The following SF3A1 variants were observed in gnomAD, a reference collection of about 807,000 sequenced individuals.
SF3A1 encodes the protein SAP 114.
A neutral mutation model predicts 89.9 loss-of-function variants in SF3A1; 13 were observed. The ratio of observed to expected loss-of-function variants is 0.14; its 90% confidence interval spans 0.09 to 0.23. The LOEUF (loss-of-function observed/expected upper bound fraction) is 0.23. Among genes scored for constraint, SF3A1 ranks in the 10% least tolerant of loss-of-function variants. The pLI, the probability that SF3A1 is intolerant of heterozygous loss-of-function variation, is 1.00. For missense variants in SF3A1, 604 were observed against 1,022.1 expected, an observed-to-expected ratio of 0.59 and a Z score of 5.58; for synonymous variants, 405 against 374.4, an observed-to-expected ratio of 1.08 and a Z score of -0.94.
At chr22:30,342,126 G>T in intron 6 of SF3A1, 74 bp downstream of exon 6, 2 of 1,544,010 alleles carry the variant, frequency 1.3e-6, no homozygotes, top group South Asian at 1.1e-5. Context: ...TGCTCTCTGG[G>T]AACACCTGCA....
Position 30,332,826 on chromosome 22 carries a change from T to C in SF3A1, c.*1768A>G, listed in dbSNP as rs777270226. On this transcript the variant is annotated 3_prime_UTR_variant, in exon 16 of 16. Coordinates refer to ENST00000215793, the MANE Select transcript of SF3A1 (RefSeq NM_005877.6). ...CTCACAATCCACCCAACGGCATTCC[T>C]GGCCTCCGGTCACAGCCTCAGCCAC... 2 of 152,288 alleles carry C rather than the reference T, an allele frequency of 1.3e-5. No homozygotes were observed. Among genetic ancestry groups the C allele is most frequent in the African/African-American group, 2.4e-5 (1 of 41,478 alleles). 9.4% of individuals were successfully genotyped at this position (152,288 alleles called of 1,614,324 possible).
At chr22:30,337,273 T>G in intron 12 of SF3A1, 93 bp from the exon 13 acceptor site, 1 of 1,245,878 alleles carries the variant, frequency 8.0e-7, no homozygotes, top group Non-Finnish European at 1.1e-6. Context: ...TTGCAAAGGT[T>G]TCCTCTAGTC....
chr22:30,356,531 T>A (rs1371507819), intron 1 of SF3A1, 199 bp downstream of exon 1: 10 of 416,816 alleles, frequency 2.4e-5, no homozygotes, highest in Non-Finnish European at 4.2e-5. Context: ...ACGGGGCTGC[T>A]CCGCGGACCA....
Position 30,338,789 on chromosome 22 carries a change from T to G in SF3A1, c.1743A>C (p.Thr581=). ...PPITSVPRPP[T]MPPPVRTTVV... ...AGTTCCAGGGTAGATGCTGGCTTAC[T>G]GTGGGTGGTCGGGGCACTGAAGTGA... The change falls in exon 11 of 16, where the codon ACA becomes ACC. Residue 581 remains threonine, a splice_region_variant and synonymous_variant. Coordinates refer to ENST00000215793, the MANE Select transcript of SF3A1 (RefSeq NM_005877.6). 1 of 1,614,020 alleles carries G rather than the reference T, an allele frequency of 6.2e-7. No homozygotes were observed. The highest frequency in any genetic ancestry group is 1.1e-5 in the South Asian group (1 of 91,072).
At chr22:30,348,491 T>G (rs1931486953) in intron 2 of SF3A1, among the ~76,000 whole-genome samples, 1 of 152,092 alleles carries the variant, frequency 6.6e-6, no homozygotes, top group Non-Finnish European at 1.5e-5. Context: ...AAACAAAAAT[T>G]TTTTAAATTT....
At chr22:30,346,229 T>C (rs1931413997) in intron 3 of SF3A1, 83 bp downstream of exon 3, 1 of 937,896 alleles carries the variant, frequency 1.1e-6, no homozygotes, top group South Asian at 1.5e-5. Context: ...GGTTGTGAGA[T>C]TTGGAGTTAA....
chr22:30,352,744 G>A, intron 2 of SF3A1: 1 of 483,732 alleles, frequency 2.1e-6, no homozygotes, highest in East Asian at 3.4e-5. Flanking sequence ...TGACTGTGGG[G>A]CTAAGTGTGA....
rs1398603789 is a variant in SF3A1 at position 30,337,140 on chromosome 22, T to A, written c.1992A>T (p.Pro664=). The A allele has an allele frequency of 6.2e-7, 1 of 1,613,570 alleles. No homozygotes were observed. The highest frequency in any genetic ancestry group is 2.2e-5 in the East Asian group (1 of 44,882). The change falls in exon 13 of 16, where the codon CCA becomes CCT. Residue 664 remains proline (P), a synonymous_variant. Transcript: ENST00000215793. The part of the protein sequence containing the change: ...PAPPVAPVPA[P]APMPPVHPPP... ...GGGGATGCACAGGGGGCATTGGGGCTGGAGCTGGGACAGGTGCCACAGGTG... is the reference window on the plus strand; with the variant it reads ...GGGGATGCACAGGGGGCATTGGGGCAGGAGCTGGGACAGGTGCCACAGGTG...
rs1026164089 is a variant in SF3A1, at chr22:30,340,734, G to A, written c.1150C>T (p.Pro384Ser). Residue 384 changes from proline to serine, a missense_variant, in exon 8 of 16, where the codon CCA (proline) becomes TCA (serine). By Grantham distance (74) the Pro-to-Ser change is moderately conservative. This residue lies in a region of SF3A1 where 146 missense variants were observed against 228.5 expected (regional missense o/e 0.64). Coordinates refer to ENST00000215793, the MANE Select transcript of SF3A1 (RefSeq NM_005877.6). Reference sequence around the variant, plus strand: ...TCCTTGCGGACAATGACTTGGTCTGGAGTTGGGGGCAGAGGTGGAGGCATG... The same window carrying A: ...TCCTTGCGGACAATGACTTGGTCTGAAGTTGGGGGCAGAGGTGGAGGCATG... The part of the protein sequence containing the change: ...TPMPPPLPPT[P>S]DQVIVRKDYD... 3.1e-6 allele frequency: 5 copies of A among 1,608,334 alleles called. No homozygotes were observed. Among genetic ancestry groups the A allele is most frequent in the Non-Finnish European group, 4.2e-6 (5 of 1,176,536 alleles).
At chr22:30,353,146 TA>T in intron 1 of SF3A1, 74 bp from the exon 2 acceptor site, 1 of 1,550,792 alleles carries the variant, frequency 6.4e-7, no homozygotes. Context: ...AAAACTCCTC[TA>T]GGATATCATT....
chr22:30,337,378 C>G (rs948654771), intron 12 of SF3A1, among the ~76,000 whole-genome samples, 198 bp from the exon 13 acceptor site: 1 of 152,172 alleles, frequency 6.6e-6, no homozygotes, highest in Non-Finnish European at 1.5e-5. Flanking sequence ...CAGCAGAGGA[C>G]TGCAGGAGGG....
At chr22:30,345,259 G>C in intron 3 of SF3A1, 69 bp from the exon 4 acceptor site, 6 of 1,200,562 alleles carry the variant, frequency 5.0e-6, no homozygotes, top group African/African-American at 1.5e-5. Flanking sequence ...GGGAGGGGAG[G>C]GGACATGGGC....
rs546118639 is a variant in SF3A1, at chr22:30,356,838, G to A, written c.-46C>T. On this transcript the variant is annotated 5_prime_UTR_variant, in exon 1 of 16. Transcript: ENST00000215793. ...CCAGTCCGCCTCGGTGTCGGTGAGC[G>A]GTGCCGCCTCAAGACAGCCTCCCCG... 104 of 1,299,350 alleles carry A rather than the reference G, an allele frequency of 8.0e-5. No homozygotes were observed. The South Asian group carries it at 1.4e-3, about 17-fold the overall frequency. The allele number at this position is 1,299,350 out of a possible 1,614,324, so 80.5% of individuals were successfully genotyped here.
At chr22:30,345,899 T>C (rs9619098) in intron 3 of SF3A1, among the ~76,000 whole-genome samples, 24,292 of 151,882 alleles carry the variant, frequency 0.16, 2,414 homozygotes, top group South Asian at 0.38. Flanking sequence ...GAAGAAGAGA[T>C]AGAAGGGAAG....
At chr22:30,355,682 C>T (rs994304890) in intron 1 of SF3A1, among the ~76,000 whole-genome samples, 1 of 152,122 alleles carries the variant, frequency 6.6e-6, no homozygotes, top group Admixed American at 6.5e-5. Context: ...TCAGAGACAC[C>T]GTTTGATTCA....
intron 13 of SF3A1, among the ~76,000 whole-genome samples, chr22:30,336,450 G>A (rs1010980973): frequency 3.9e-5 from 6 of 152,128 alleles, no homozygotes; most frequent in East Asian, 1.9e-4. Context: ...ACTTGAACCC[G>A]GGAGGCAGAG....
intron 9 of SF3A1, 82 bp downstream of exon 9, chr22:30,340,114 A>G (rs1931201622): frequency 7.8e-7 from 1 of 1,274,574 alleles, no homozygotes; most frequent in Middle Eastern, 2.8e-4. Flanking sequence ...GTTGACCTCA[A>G]TTGTTGCTTT....
chr22:30,337,242 A>C, intron 12 of SF3A1, 62 bp from the exon 13 acceptor site: 1 of 1,476,572 alleles, frequency 6.8e-7, no homozygotes, highest in Non-Finnish European at 9.1e-7. Flanking sequence ...CTCAGGGCTG[A>C]TGAGAAGTTG....
chr22:30,346,207 C>A, intron 3 of SF3A1, 105 bp downstream of exon 3: 1 of 800,762 alleles, frequency 1.2e-6, no homozygotes, highest in Non-Finnish European at 2.1e-6. Flanking sequence ...GACCTCACTT[C>A]TCTCCCTGGG....
Sources: gnomAD v4.1 joint callset for allele counts (sites outside exome capture counted in the v4.1 genomes callset) on GRCh38, gnomAD v4.1.1 for gene constraint, gnomAD v4.1.1 regional missense constraint, MANE v1.5 for transcripts, NCBI Gene and HGNC (gene_info 2026-07-23, HGNC 2026-07-21) for gene names.